Variants in DGKG observed in about 807,000 individuals in gnomAD.
DGKG encodes DAG kinase gamma.
Under a neutral mutation model 105.3 loss-of-function variants are expected in DGKG, and 78 were observed. The observed-to-expected ratio is 0.74, with a 90% confidence interval of 0.62 to 0.89. DGKG has a LOEUF of 0.89. Among genes scored for constraint, DGKG ranks in the 40% least tolerant of loss-of-function variants. The pLI is 0.00. For synonymous variants in DGKG, 346 were observed against 367.1 expected (o/e 0.94, Z 0.66); for missense variants, 958 against 1,020.1 (o/e 0.94, Z 0.83).
At chr3:186,340,141 G>A (rs1261538981) in intron 1 of DGKG, among the ~76,000 whole-genome samples, 4 of 152,162 alleles carry the variant, frequency 2.6e-5, no homozygotes, top group African/African-American at 9.7e-5. Flanking sequence ...GAGAAAGTAT[G>A]AATTTAGAGA....
chr3:186,304,422 G>T (rs1461638702), intron 3 of DGKG, among the ~76,000 whole-genome samples: 1 of 152,212 alleles, frequency 6.6e-6, no homozygotes, highest in African/African-American at 2.4e-5. Flanking sequence ...GCCCCTTTTA[G>T]GTGTACCTTG....
At chr3:186,229,987 C>A (rs1045580496) in intron 20 of DGKG, among the ~76,000 whole-genome samples, 9 of 152,142 alleles carry the variant, frequency 5.9e-5, no homozygotes, top group Non-Finnish European at 1.2e-4. Flanking sequence ...GGGCTGGGCG[C>A]GGTGGCTCAC....
chr3:186,278,794 G>A (rs1295244749), intron 9 of DGKG, among the ~76,000 whole-genome samples: 2 of 152,118 alleles, frequency 1.3e-5, no homozygotes, highest in African/African-American at 4.8e-5. Context: ...TGCACTTGCT[G>A]CCCTGTTCCT....
intron 1 of DGKG, among the ~76,000 whole-genome samples, chr3:186,357,137 G>T (rs751633933): frequency 7.2e-5 from 11 of 152,168 alleles, no homozygotes; most frequent in Non-Finnish European, 1.3e-4. Context: ...ATCTCTGAGA[G>T]TCTAGATTTC....
chr3:186,310,044 G>A (rs576898630), intron 2 of DGKG, among the ~76,000 whole-genome samples: 40 of 151,048 alleles, frequency 2.6e-4, no homozygotes, highest in East Asian at 1.7e-3. Context: ...TGAGGCGGGC[G>A]GATCACGAGG....
chr3:186,267,557 G>T, intron 13 of DGKG, 128 bp downstream of exon 13: 1 of 735,966 alleles, frequency 1.4e-6, no homozygotes, highest in East Asian at 2.5e-5. Flanking sequence ...AAAAAAGAAA[G>T]AAAAGAAAAC....
At chr3:186,268,047 G>GTGTGGCA (rs1441466312) in intron 12 of DGKG, among the ~76,000 whole-genome samples, 2 of 152,166 alleles carry the variant, frequency 1.3e-5, no homozygotes, top group East Asian at 3.8e-4. Flanking sequence ...TGACCCTTCA[G>GTGTGGCA]TGTGGCACCC....
intron 16 of DGKG, among the ~76,000 whole-genome samples, chr3:186,258,662 C>A (rs1721598824): frequency 6.6e-6 from 1 of 152,070 alleles, no homozygotes; most frequent in African/African-American, 2.4e-5. Flanking sequence ...TGACAGATGC[C>A]TCATACCACT....
At chr3:186,255,989 C>G (rs551241061) in intron 17 of DGKG, among the ~76,000 whole-genome samples, 157 of 152,334 alleles carry the variant, frequency 1.0e-3, no homozygotes, top group Non-Finnish European at 1.8e-3. Flanking sequence ...CAGCTTCTAT[C>G]ACCTGTGTCC....
rs371971548 is a variant in DGKG, at chr3:186,267,917, C to T, written c.1117-140G>A. Reference sequence around the variant, plus strand: ...GCACTGCTGGCTTTGACAGTATTGCCGTGTGTGTGTGTGTGCACGTGTGTG... The same window carrying T: ...GCACTGCTGGCTTTGACAGTATTGCTGTGTGTGTGTGTGTGCACGTGTGTG... On this transcript the variant is annotated intron_variant, in intron 12 of 24. Transcript: ENST00000265022. 2.0e-3 allele frequency: 1,392 copies of T among 702,398 alleles called. 11 individuals are homozygous for T. Among genetic ancestry groups the T allele is most frequent in the African/African-American group, 0.018 (1,048 of 57,064 alleles). 43.5% of individuals were successfully genotyped at this position (702,398 alleles called of 1,614,324 possible).
chr3:186,163,376 A>C (rs569095763), intron 23 of DGKG, among the ~76,000 whole-genome samples: 1 of 152,238 alleles, frequency 6.6e-6, no homozygotes, highest in East Asian at 1.9e-4. Context: ...TTCATAATAC[A>C]TTGCTTTTGG....
intron 22 of DGKG, among the ~76,000 whole-genome samples, chr3:186,166,250 TCACTAATGGAC>T: frequency 6.6e-6 from 1 of 152,120 alleles, no homozygotes; most frequent in East Asian, 1.9e-4. Context: ...CTAATGGACA[TCACTAATGGAC>T]ATCAGCTGCC....
chr3:186,311,392 A>G (rs1304386072), intron 2 of DGKG, among the ~76,000 whole-genome samples: 1 of 152,200 alleles, frequency 6.6e-6, no homozygotes, highest in Non-Finnish European at 1.5e-5. Flanking sequence ...GACAACACCA[A>G]AGAACTCTAC....
intron 10 of DGKG, among the ~76,000 whole-genome samples, chr3:186,272,863 C>T (rs1214548104): frequency 2.6e-5 from 4 of 152,070 alleles, no homozygotes; most frequent in African/African-American, 9.7e-5. Flanking sequence ...GGATTACAGG[C>T]GTTACAGGCG....
intron 20 of DGKG, among the ~76,000 whole-genome samples, chr3:186,218,268 G>A (rs1175053755): frequency 6.6e-6 from 1 of 152,042 alleles, no homozygotes; most frequent in Admixed American, 6.5e-5. Flanking sequence ...ACTTTGGGAG[G>A]CTGAGGCGGG....
intron 1 of DGKG, among the ~76,000 whole-genome samples, chr3:186,338,236 T>C (rs1373364775): frequency 6.7e-6 from 1 of 150,300 alleles, no homozygotes; most frequent in African/African-American, 2.4e-5. Flanking sequence ...TAACAATTAA[T>C]GTGCAAGACC....
At chr3:186,340,005 G>A (rs1399195863) in intron 1 of DGKG, among the ~76,000 whole-genome samples, 2 of 152,182 alleles carry the variant, frequency 1.3e-5, no homozygotes, top group East Asian at 1.9e-4. Context: ...TCCCAGGGCC[G>A]TGCCTGGCAC....
chr3:186,175,254 T>C (rs1337616317), intron 22 of DGKG, among the ~76,000 whole-genome samples: 2 of 152,138 alleles, frequency 1.3e-5, no homozygotes, highest in African/African-American at 2.4e-5. Context: ...ACCTCACCTG[T>C]TCTCACACTG....
chr3:186,318,660 G>A (rs1724930959), intron 2 of DGKG, among the ~76,000 whole-genome samples: 1 of 152,130 alleles, frequency 6.6e-6, no homozygotes, highest in Non-Finnish European at 1.5e-5. Flanking sequence ...CAGGGAGAAT[G>A]TCACGTGAGG....
Sources: gnomAD v4.1 joint callset for allele counts (sites outside exome capture counted in the v4.1 genomes callset) on GRCh38, gnomAD v4.1.1 for gene constraint, MANE v1.5 for transcripts, NCBI Gene and HGNC (gene_info 2026-07-23, HGNC 2026-07-21) for gene names.